UBE2E2: variants seen among roughly 807,000 people sequenced by gnomAD.
The protein encoded by UBE2E2 is ubiquitin-conjugating enzyme E2 E2.
In UBE2E2, 6 loss-of-function variants were observed where a neutral mutation model predicts 24.7. The ratio of observed to expected loss-of-function variants is 0.24; its 90% confidence interval spans 0.13 to 0.48. The LOEUF is 0.48. UBE2E2 is among the 20% of genes least tolerant of loss of function. The pLI is 0.99. For synonymous variants in UBE2E2, 104 were observed against 83.6 expected (o/e 1.24, Z -1.33); for missense variants, 169 against 245.0 (o/e 0.69, Z 2.07).
At chr3:23,548,973 C>G (rs1365015529) in intron 5 of UBE2E2, among the ~76,000 whole-genome samples, 4 of 152,184 alleles carry the variant, frequency 2.6e-5, no homozygotes, top group Non-Finnish European at 5.9e-5. Context: ...AGTAGCAACT[C>G]TGAAAATGTG....
chr3:23,585,032 T>TA (rs1575725082), intron 5 of UBE2E2, among the ~76,000 whole-genome samples: 1 of 152,176 alleles, frequency 6.6e-6, no homozygotes, highest in Admixed American at 6.5e-5. Flanking sequence ...CTTGCAGTCT[T>TA]ACGCTTTCAT....
intron 3 of UBE2E2, among the ~76,000 whole-genome samples, chr3:23,382,598 G>T (rs1478197471): frequency 6.6e-6 from 1 of 152,170 alleles, no homozygotes; most frequent in Non-Finnish European, 1.5e-5. Context: ...GAGCGAAGTA[G>T]TATTCACTAT....
intron 3 of UBE2E2, among the ~76,000 whole-genome samples, chr3:23,485,921 G>A (rs994650210): frequency 1.3e-5 from 2 of 152,192 alleles, no homozygotes; most frequent in Admixed American, 6.5e-5. Context: ...AGGAGGAGGT[G>A]AGCCCTACTA....
chr3:23,298,808 G>C (rs1009576136), intron 3 of UBE2E2, among the ~76,000 whole-genome samples: 3 of 152,158 alleles, frequency 2.0e-5, no homozygotes, highest in Non-Finnish European at 2.9e-5. Context: ...CTCATAAAAT[G>C]AGTTAGGGAG....
intron 3 of UBE2E2, among the ~76,000 whole-genome samples, chr3:23,239,847 T>A (rs1379037234): frequency 6.6e-6 from 1 of 152,242 alleles, no homozygotes; most frequent in Non-Finnish European, 1.5e-5. Context: ...ATCCTCTTGA[T>A]GTACAGAATT....
intron 3 of UBE2E2, among the ~76,000 whole-genome samples, chr3:23,330,491 A>G (rs560836027): frequency 5.9e-5 from 9 of 152,342 alleles, no homozygotes; most frequent in Admixed American, 4.6e-4. Context: ...AGTACAAGAA[A>G]GATTAGAATC....
At chr3:23,300,267 C>A (rs1047987090) in intron 3 of UBE2E2, among the ~76,000 whole-genome samples, 4 of 151,956 alleles carry the variant, frequency 2.6e-5, no homozygotes, top group African/African-American at 4.8e-5. Context: ...TTAATTGGAG[C>A]ATTTAGTCCA....
intron 3 of UBE2E2, among the ~76,000 whole-genome samples, chr3:23,302,188 C>T (rs1699115998): frequency 6.6e-6 from 1 of 152,120 alleles, no homozygotes; most frequent in Non-Finnish European, 1.5e-5. Flanking sequence ...AGTCTGTTTT[C>T]AACAAAATTC....
intron 3 of UBE2E2, among the ~76,000 whole-genome samples, chr3:23,301,199 A>G (rs1452636606): frequency 6.6e-6 from 1 of 151,928 alleles, no homozygotes; most frequent in Admixed American, 6.6e-5. Context: ...TTTTTTTTCA[A>G]AGCTTTTTAC....
intron 3 of UBE2E2, among the ~76,000 whole-genome samples, chr3:23,310,031 A>T (rs796769695): frequency 2.6e-5 from 4 of 152,296 alleles, no homozygotes; most frequent in African/African-American, 9.6e-5. Context: ...TCTTTTTATG[A>T]GAAGGAAATC....
chr3:23,276,886 T>A (rs1335825874), intron 3 of UBE2E2, among the ~76,000 whole-genome samples: 3 of 152,134 alleles, frequency 2.0e-5, no homozygotes, highest in Admixed American at 2.0e-4. Flanking sequence ...TATTAATATT[T>A]TAGCAGAATA....
intron 3 of UBE2E2, among the ~76,000 whole-genome samples, chr3:23,413,581 C>T (rs1008859744): frequency 3.3e-5 from 5 of 152,048 alleles, no homozygotes; most frequent in African/African-American, 4.8e-5. Flanking sequence ...GGAACCACTC[C>T]TTGGCCCCAC....
chr3:23,559,472 G>GATTT (rs1321575404), intron 5 of UBE2E2, among the ~76,000 whole-genome samples: 2 of 151,934 alleles, frequency 1.3e-5, no homozygotes, highest in African/African-American at 4.8e-5. Context: ...GTGAGAATTA[G>GATTT]ATTTAAATTA....
chr3:23,248,534 A>G (rs933224183), intron 3 of UBE2E2, among the ~76,000 whole-genome samples: 3 of 152,256 alleles, frequency 2.0e-5, no homozygotes, highest in African/African-American at 7.2e-5. Flanking sequence ...CCGCCTTTAG[A>G]ATTTTTAGTG....
intron 5 of UBE2E2, among the ~76,000 whole-genome samples, chr3:23,575,328 T>C (rs1311041723): frequency 6.6e-6 from 1 of 152,206 alleles, no homozygotes; most frequent in Non-Finnish European, 1.5e-5. Flanking sequence ...ATCTTTGATC[T>C]CTACAAGTTC....
chr3:23,537,997 G>A (rs1366194401), intron 5 of UBE2E2, among the ~76,000 whole-genome samples: 1 of 152,078 alleles, frequency 6.6e-6, no homozygotes, highest in Non-Finnish European at 1.5e-5. Context: ...CCTTGCTGCT[G>A]CATGTCTCAT....
chr3:23,370,973 GTAAC>G (rs1423440131), intron 3 of UBE2E2, among the ~76,000 whole-genome samples: 1 of 152,158 alleles, frequency 6.6e-6, no homozygotes, highest in African/African-American at 2.4e-5. Context: ...TAGAGTCTGA[GTAAC>G]TAACATTTTA....
chr3:23,312,071 A>G (rs1559343718), intron 3 of UBE2E2, among the ~76,000 whole-genome samples: 2 of 152,068 alleles, frequency 1.3e-5, no homozygotes, highest in Admixed American at 6.6e-5. Flanking sequence ...CTGGTTGTTT[A>G]AAAGTATGTA....
In UBE2E2 at chr3:23,328,823, G is replaced by A. The variant is rs145160537; in HGVS notation, c.227+111511G>A. 6.6e-3 allele frequency among the ~76,000 whole-genome samples: 1,006 copies of A among 152,040 alleles called. 15 individuals carry two copies. Among genetic ancestry groups the A allele is most frequent in the African/African-American group, 0.023 (967 of 41,496 alleles). ...ATTACAGGTGCCCGCCACCATGCCCGGCTGATTTTTATATTTTTTGTAGAG... is the reference window on the plus strand; with the variant it reads ...ATTACAGGTGCCCGCCACCATGCCCAGCTGATTTTTATATTTTTTGTAGAG... On this transcript the variant is annotated intron_variant, in intron 3 of 5. Transcript: ENST00000396703.
Sources: allele counts gnomAD v4.1 joint callset (sites outside exome capture counted in the v4.1 genomes callset), GRCh38; gene constraint gnomAD v4.1.1; transcripts MANE v1.5; gene names NCBI Gene and HGNC (gene_info 2026-07-23, HGNC 2026-07-21).